ANKDD1A: variants seen among roughly 807,000 people sequenced by gnomAD.
ANKDD1A encodes the protein ankyrin repeat and death domain containing 1A, also known as ankyrin repeat and death domain-containing protein 1A.
A neutral mutation model predicts 63.5 loss-of-function variants in ANKDD1A; 59 were observed. The observed-to-expected ratio is 0.93, with a 90% CI of 0.75 to 1.15. ANKDD1A has a LOEUF of 1.15. Among genes scored for constraint, ANKDD1A ranks in the 50% most tolerant of loss-of-function variants. ANKDD1A has a pLI of 0.00. For missense variants in ANKDD1A, 632 were observed against 656.4 expected, an observed-to-expected ratio of 0.96 and a Z score of 0.41; for synonymous variants, 266 against 263.9, an observed-to-expected ratio of 1.01 and a Z score of -0.08.
intron 6 of ANKDD1A, among the ~76,000 whole-genome samples, chr15:64,930,555 T>TGGGGGACATGAG (rs2085081381): frequency 1.3e-5 from 2 of 152,294 alleles, no homozygotes; most frequent in Non-Finnish European, 2.9e-5. Context: ...GAGATGGATC[T>TGGGGGACATGAG]GGGGGACATG....
At chr15:64,952,905 TCTC>T (rs376992916) in intron 14 of ANKDD1A, among the ~76,000 whole-genome samples, 44,718 of 124,308 alleles carry the variant, frequency 0.36, 7,802 homozygotes, top group South Asian at 0.49. Flanking sequence ...TCTCCTTCCT[TCTC>T]TTCTTCTCCT....
chr15:64,957,462 T>TATCATC lies in ANKDD1A; in HGVS notation c.*277_*278insATCATC, dbSNP rs112969651. On this transcript the variant is annotated 3_prime_UTR_variant, in exon 15 of 15. Coordinates refer to ENST00000319580, the MANE Select transcript of ANKDD1A (RefSeq NM_182703.6). ...AATTATTTTCAGTTTTCCAAAATTC[T>TATCATC]ATCTTTAAACCTAAATAATTCAATT... The TATCATC allele has an allele frequency of 1.9e-4, 30 of 162,106 alleles. No homozygotes were observed. The highest frequency in any genetic ancestry group is 3.1e-4 in the Non-Finnish European group (23 of 73,898). 10.0% of individuals were successfully genotyped at this position (162,106 alleles called of 1,614,324 possible).
intron 11 of ANKDD1A, chr15:64,943,885 G>T: frequency 5.0e-6 from 2 of 399,534 alleles, no homozygotes; most frequent in South Asian, 2.7e-5. Context: ...GTAGGGTTGG[G>T]AAGTAGACGA....
At position 64,949,980 on chromosome 15, in the gene ANKDD1A, C is replaced by T. The variant is rs143398951; in HGVS notation, c.1483+8C>T. 1.7e-4 allele frequency: 278 copies of T among 1,608,440 alleles called. 4 individuals are homozygous for T. The East Asian group carries it at 5.3e-3, about 31-fold the overall frequency. On this transcript the variant is annotated splice_region_variant and intron_variant, in intron 14 of 14. Coordinates refer to ENST00000319580, the MANE Select transcript of ANKDD1A (RefSeq NM_182703.6). The stretch of plus-strand genomic sequence containing the variant: ...GCAGGAGGGACCTGGCTGGTAAGAG[C>T]GTACTCTGCTGGGCTGCTTCTCAGG...
At chr15:64,952,201 T>TC (rs2140387688) in intron 14 of ANKDD1A, among the ~76,000 whole-genome samples, 8 of 150,624 alleles carry the variant, frequency 5.3e-5, no homozygotes, top group African/African-American at 2.0e-4. Flanking sequence ...TTCTTCTTCT[T>TC]CTTTCCTCTT....
intron 14 of ANKDD1A, among the ~76,000 whole-genome samples, chr15:64,952,469 CTTCT>C (rs1566916675): frequency 1.4e-5 from 2 of 142,766 alleles, no homozygotes; most frequent in Non-Finnish European, 3.0e-5. Context: ...CTCCTTCTTC[CTTCT>C]CCTTCTTCTT....
chr15:64,926,178 T>A lies in ANKDD1A; in HGVS notation c.471+8T>A. On this transcript the variant is annotated splice_region_variant and intron_variant, in intron 5 of 14. Coordinates refer to ENST00000319580, the MANE Select transcript of ANKDD1A (RefSeq NM_182703.6). ...CTGGACCACGTAGACAAGGTGAGAGTGCCTCAGGGCTACTCATCATTCCCA... is the reference window on the plus strand; with the variant it reads ...CTGGACCACGTAGACAAGGTGAGAGAGCCTCAGGGCTACTCATCATTCCCA... The A allele has an allele frequency of 6.2e-7, 1 of 1,612,924 alleles. No homozygotes were observed. Among genetic ancestry groups the A allele is most frequent in the Non-Finnish European group, 8.5e-7 (1 of 1,179,558 alleles).
intron 4 of ANKDD1A, 66 bp from the exon 5 acceptor site, chr15:64,926,000 G>T (rs1231691932): frequency 1.4e-6 from 2 of 1,427,046 alleles, no homozygotes; most frequent in African/African-American, 1.4e-5. Context: ...CTGTTTGGGA[G>T]ACTGGCAGTG....
At chr15:64,953,843 TTTC>T (rs1555367039) in intron 14 of ANKDD1A, among the ~76,000 whole-genome samples, 16 of 11,774 alleles carry the variant, frequency 1.4e-3, no homozygotes, top group African/African-American at 1.8e-3. Flanking sequence ...TTCCTCTTCT[TTTC>T]TTCTTTCCTC....
intron 14 of ANKDD1A, among the ~76,000 whole-genome samples, chr15:64,952,921 TTC>T (rs1443857997): frequency 7.8e-5 from 9 of 116,014 alleles, no homozygotes; most frequent in African/African-American, 1.6e-4. Flanking sequence ...CTTCTCCTTC[TTC>T]TTAGTTCTTC....
chr15:64,929,363 G>A (rs572992302), intron 6 of ANKDD1A, among the ~76,000 whole-genome samples: 4 of 151,996 alleles, frequency 2.6e-5, no homozygotes, highest in East Asian at 3.9e-4. Flanking sequence ...TTGTAGAGAC[G>A]GAGTCTTACT....
intron 14 of ANKDD1A, among the ~76,000 whole-genome samples, chr15:64,952,216 C>T (rs1438811958): frequency 6.8e-6 from 1 of 146,272 alleles, no homozygotes; most frequent in Admixed American, 6.9e-5. Context: ...CCTCTTTCTT[C>T]TTCTTCCTTC....
chr15:64,949,083 G>A (rs115817846), intron 13 of ANKDD1A, among the ~76,000 whole-genome samples: 1,740 of 152,360 alleles, frequency 0.011, 32 homozygotes, highest in African/African-American at 0.04. Context: ...CCCAAGAGGG[G>A]CACGGAAGGT....
rs2085193459 is a variant in ANKDD1A, at chr15:64,942,583, C to A, written c.966+18C>A. Reference sequence around the variant, plus strand: ...TGGACAATGTAAGTGGCTACAGAGACCTTCCGGGCCCCAGGGAGCTTCTGG... The same window carrying A: ...TGGACAATGTAAGTGGCTACAGAGAACTTCCGGGCCCCAGGGAGCTTCTGG... On this transcript the variant is annotated intron_variant, in intron 10 of 14. Coordinates refer to ENST00000319580, the MANE Select transcript of ANKDD1A (RefSeq NM_182703.6). 3 of 1,601,260 alleles carry A rather than the reference C, an allele frequency of 1.9e-6. No individual in the cohort carries two copies. The highest frequency in any genetic ancestry group is 2.3e-5 in the East Asian group (1 of 44,200).
At chr15:64,922,682 C>G (rs2085016180) in intron 4 of ANKDD1A, among the ~76,000 whole-genome samples, 2 of 152,150 alleles carry the variant, frequency 1.3e-5, no homozygotes, top group African/African-American at 4.8e-5. Flanking sequence ...TGCTGTGTCA[C>G]CCAGGCTGGA....
chr15:64,947,082 G>C (rs1353206762), intron 12 of ANKDD1A, among the ~76,000 whole-genome samples: 1 of 152,198 alleles, frequency 6.6e-6, no homozygotes, highest in African/African-American at 2.4e-5. Flanking sequence ...AAGAGAGGCA[G>C]GTGACCGGAG....
chr15:64,954,305 C>CCTT (rs939819934), intron 14 of ANKDD1A, among the ~76,000 whole-genome samples: 79 of 140,804 alleles, frequency 5.6e-4, no homozygotes, highest in South Asian at 1.5e-3. Flanking sequence ...CTTTTCTTCT[C>CCTT]CTTCTCTTCC....
At chr15:64,952,687 TC>T (rs1223244187) in intron 14 of ANKDD1A, among the ~76,000 whole-genome samples, 1 of 146,532 alleles carries the variant, frequency 6.8e-6, no homozygotes, top group Admixed American at 6.8e-5. Flanking sequence ...CTTCTTCCTC[TC>T]CTTTTTCTTC....
intron 14 of ANKDD1A, among the ~76,000 whole-genome samples, chr15:64,953,837 TC>T (rs2085361192): frequency 2.5e-4 from 3 of 12,158 alleles, no homozygotes; most frequent in South Asian, 1.6e-3. Context: ...TCTTCTTTCC[TC>T]TTCTTTTCTT....
Sources: allele counts gnomAD v4.1 joint callset (sites outside exome capture counted in the v4.1 genomes callset), GRCh38; gene constraint gnomAD v4.1.1; transcripts MANE v1.5; gene names NCBI Gene and HGNC (gene_info 2026-07-23, HGNC 2026-07-21).